The following PAX5 variants were observed in gnomAD, a reference collection of about 807,000 sequenced individuals.
PAX5 encodes paired box protein Pax-5.
Under a neutral mutation model 43.7 loss-of-function variants are expected in PAX5, and 9 were observed. The ratio of observed to expected loss-of-function variants is 0.21; its 90% CI spans 0.12 to 0.36. The LOEUF (loss-of-function observed/expected upper bound fraction) is 0.36, where lower values mean the gene tolerates loss of function less well. Among genes scored for constraint, PAX5 ranks in the 10% least tolerant of loss-of-function variants. PAX5 has a pLI of 1.00. For synonymous variants in PAX5, 228 were observed against 214.3 expected (o/e 1.06, Z -0.56); for missense variants, 383 against 532.7 (o/e 0.72, Z 2.77).
At chr9:36,964,182 G>A (rs1031298129) in intron 6 of PAX5, among the ~76,000 whole-genome samples, 5 of 152,164 alleles carry the variant, frequency 3.3e-5, no homozygotes, top group African/African-American at 9.7e-5. Flanking sequence ...TCGGGAGGCT[G>A]AGGCAGGAGA....
intron 3 of PAX5, among the ~76,000 whole-genome samples, chr9:37,012,219 C>G (rs1564075731): frequency 6.6e-6 from 1 of 152,170 alleles, no homozygotes; most frequent in Non-Finnish European, 1.5e-5. Context: ...AAATACTTGT[C>G]CTCCCTCTTG....
At chr9:36,934,649 A>G (rs1831396965) in intron 6 of PAX5, among the ~76,000 whole-genome samples, 2 of 152,210 alleles carry the variant, frequency 1.3e-5, no homozygotes, top group Admixed American at 1.3e-4. Flanking sequence ...ACTACAAAGG[A>G]TGTTGAAGGG....
chr9:36,945,097 C>T (rs755630358), intron 6 of PAX5, among the ~76,000 whole-genome samples: 9 of 152,140 alleles, frequency 5.9e-5, no homozygotes, highest in Admixed American at 2.6e-4. Flanking sequence ...CTATAGATGA[C>T]GGAGACGCCA....
At chr9:36,934,666 T>G (rs1229142242) in intron 6 of PAX5, among the ~76,000 whole-genome samples, 1 of 152,244 alleles carries the variant, frequency 6.6e-6, no homozygotes, top group East Asian at 1.9e-4. Flanking sequence ...AGGGCCTTCC[T>G]CTTCCAGGAA....
chr9:36,944,228 C>T (rs981014612), intron 6 of PAX5, among the ~76,000 whole-genome samples: 6 of 152,110 alleles, frequency 3.9e-5, no homozygotes, highest in Admixed American at 3.9e-4. Flanking sequence ...TTGGACCCAA[C>T]AACAAACACA....
At chr9:36,891,956 T>C (rs1234357812) in intron 7 of PAX5, among the ~76,000 whole-genome samples, 2 of 152,192 alleles carry the variant, frequency 1.3e-5, no homozygotes, top group African/African-American at 4.8e-5. Context: ...TCTGGAACTA[T>C]CACACTCCAA....
intron 2 of PAX5, among the ~76,000 whole-genome samples, chr9:37,018,992 G>A (rs529382133): frequency 9.9e-5 from 15 of 152,078 alleles, no homozygotes; most frequent in Non-Finnish European, 2.1e-4. Flanking sequence ...CAGCAAAGAT[G>A]TCTCAGCAAA....
intron 6 of PAX5, among the ~76,000 whole-genome samples, chr9:36,950,984 C>T (rs1432364517): frequency 2.0e-5 from 3 of 152,038 alleles, no homozygotes; most frequent in Non-Finnish European, 2.9e-5. Flanking sequence ...CCTCGTGATC[C>T]GCCCACCTCG....
Position 36,913,892 on chromosome 9 carries a change from C to T in PAX5, c.910+9463G>A, listed in dbSNP as rs182322504. ...GGTGGGGCCGGAAGGTTCTGAGTGTCCCTTGAAGAGCTCTGCACTATGTCA... is the reference window on the plus strand; with the variant it reads ...GGTGGGGCCGGAAGGTTCTGAGTGTTCCTTGAAGAGCTCTGCACTATGTCA... On this transcript the variant is annotated intron_variant, in intron 7 of 9. Coordinates refer to ENST00000358127, the MANE Select transcript of PAX5 (RefSeq NM_016734.3). Among the ~76,000 whole-genome samples, 1,136 of 152,218 alleles carry T rather than the reference C, an allele frequency of 7.5e-3. 6 individuals carry two copies. Among genetic ancestry groups the T allele is most frequent in the Non-Finnish European group, 0.012 (842 of 68,004 alleles).
intron 8 of PAX5, among the ~76,000 whole-genome samples, chr9:36,854,974 C>A (rs1199209168): frequency 6.6e-6 from 1 of 152,262 alleles, no homozygotes; most frequent in Non-Finnish European, 1.5e-5. Context: ...ACTCTGCCAC[C>A]TGCCAGCTGT....
intron 3 of PAX5, among the ~76,000 whole-genome samples, chr9:37,013,389 A>G (rs1339520484): frequency 6.6e-6 from 1 of 152,030 alleles, no homozygotes; most frequent in Non-Finnish European, 1.5e-5. Flanking sequence ...CCCATGGACT[A>G]CCTAAGGTTA....
rs117628339 is a variant in PAX5 at position 36,888,052 on chromosome 9, A to G, written c.911-5947T>C. ...TTCAACATCATTAGCTCTCAGGGAA[A>G]TGCAAATCCAAACCACAATAAAACA... On this transcript the variant is annotated intron_variant, in intron 7 of 9. Transcript: ENST00000358127. Among the ~76,000 whole-genome samples, 91 of 152,364 alleles carry G rather than the reference A, an allele frequency of 6.0e-4. No homozygotes were observed. In the East Asian group the frequency reaches 0.017, roughly 28 times the overall value.
At position 37,031,203 on chromosome 9, in the gene PAX5, G is replaced by A. The variant is rs188367767; in HGVS notation, c.46+2783C>T. Among the ~76,000 whole-genome samples the A allele has an allele frequency of 3.9e-5, 6 of 152,322 alleles. No individual in the cohort carries two copies. The East Asian group carries it at 1.2e-3, about 29-fold the overall frequency. On this transcript the variant is annotated intron_variant, in intron 1 of 9. Coordinates refer to ENST00000358127, the MANE Select transcript of PAX5 (RefSeq NM_016734.3). ...CATGTAAAATCACCTTAGTCGGGGT[G>A]TGTTATCATTACCAGCATGTCCTGC...
In PAX5 at chr9:36,869,915, G is replaced by A. The variant is rs371767995; in HGVS notation, c.1012+12089C>T. Among the ~76,000 whole-genome samples the A allele has an allele frequency of 3.1e-3, 420 of 135,744 alleles. 2 individuals are homozygous for A. The highest frequency in any genetic ancestry group is 5.9e-3 in the African/African-American group (195 of 33,066). 89.1% of individuals were successfully genotyped at this position (135,744 alleles called of 152,430 possible). A position where few individuals can be genotyped will look rare whatever the true frequency, so the allele number is the denominator to read the frequency against. ...GGATAAATGGATGGATGGATGGATG[G>A]ATGGATGGATGGATGGATGGATAAA... On this transcript the variant is annotated intron_variant, in intron 8 of 9. Transcript: ENST00000358127.
rs78376997 is a variant in PAX5 at position 36,898,408 on chromosome 9, G to T, written c.911-16303C>A. ...CCACATCACCTGGAGAAGGAGGCACGTGGGGTCTGCATTCACATGTGTAAA... is the reference window on the plus strand; with the variant it reads ...CCACATCACCTGGAGAAGGAGGCACTTGGGGTCTGCATTCACATGTGTAAA... On this transcript the variant is annotated intron_variant, in intron 7 of 9. Transcript: ENST00000358127. Among the ~76,000 whole-genome samples the T allele has an allele frequency of 3.1e-4, 47 of 152,212 alleles. 1 individual carries two copies. The East Asian group carries it at 7.5e-3, about 24-fold the overall frequency.
At chr9:36,960,891 G>A (rs912504848) in intron 6 of PAX5, among the ~76,000 whole-genome samples, 16 of 152,236 alleles carry the variant, frequency 1.1e-4, no homozygotes, top group East Asian at 7.7e-4. Flanking sequence ...TCTCCAGCCC[G>A]CCATCTGCTA....
At chr9:36,893,875 C>T (rs1162757433) in intron 7 of PAX5, among the ~76,000 whole-genome samples, 1 of 152,148 alleles carries the variant, frequency 6.6e-6, no homozygotes, top group Non-Finnish European at 1.5e-5. Context: ...TATGTCACTT[C>T]AACATGATAT....
chr9:36,891,717 G>A (rs1278254236), intron 7 of PAX5, among the ~76,000 whole-genome samples: 2 of 152,216 alleles, frequency 1.3e-5, no homozygotes, highest in Non-Finnish European at 2.9e-5. Context: ...AGTTTGGGTG[G>A]TGTTATTGAC....
At chr9:36,972,959 C>T (rs1398004121) in intron 5 of PAX5, among the ~76,000 whole-genome samples, 2 of 150,632 alleles carry the variant, frequency 1.3e-5, no homozygotes, top group African/African-American at 2.4e-5. Flanking sequence ...ACCCAGGAGA[C>T]GGAGGTTGCA....
Sources: gnomAD v4.1 joint callset for allele counts (sites outside exome capture counted in the v4.1 genomes callset) on GRCh38, gnomAD v4.1.1 for gene constraint, MANE v1.5 for transcripts, NCBI Gene and HGNC (gene_info 2026-07-23, HGNC 2026-07-21) for gene names.